INTS14: variants seen among roughly 807,000 people sequenced by gnomAD.
INTS14 encodes integrator complex subunit 14, also known as UPF0464 protein C15orf44.
A neutral mutation model predicts 56.9 loss-of-function variants in INTS14; 27 were observed. That is an observed-to-expected ratio of 0.47 (90% CI 0.35 to 0.65). INTS14 has a LOEUF of 0.65. Among genes scored for constraint, INTS14 ranks in the 30% least tolerant of loss-of-function variants. The pLI is 0.00. For synonymous variants in INTS14, 207 were observed against 236.2 expected, an observed-to-expected ratio of 0.88 and a Z score of 1.13; for missense variants, 517 against 632.2, an observed-to-expected ratio of 0.82 and a Z score of 1.95.
intron 3 of INTS14, among the ~76,000 whole-genome samples, chr15:65,602,218 G>A (rs536868389): frequency 4.1e-4 from 62 of 151,714 alleles, no homozygotes; most frequent in African/African-American, 1.4e-3. Flanking sequence ...AAGCCTGGGC[G>A]ACAGAGCAAG....
At chr15:65,605,046 C>T (rs1346946721) in intron 3 of INTS14, 83 bp downstream of exon 3, 2 of 963,848 alleles carry the variant, frequency 2.1e-6, no homozygotes, top group South Asian at 2.7e-5. Context: ...ACAATGCATG[C>T]TGTGTCAGAG....
At chr15:65,608,917 G>A (rs2073751305) in intron 1 of INTS14, among the ~76,000 whole-genome samples, 2 of 152,090 alleles carry the variant, frequency 1.3e-5, no homozygotes, top group African/African-American at 2.4e-5. Flanking sequence ...TTTTTGAGAC[G>A]GAGTCTTGCG....
chr15:65,610,068 G>A (rs536143085), intron 1 of INTS14, among the ~76,000 whole-genome samples: 2 of 143,994 alleles, frequency 1.4e-5, no homozygotes, highest in Non-Finnish European at 3.0e-5. Flanking sequence ...AGCAGTATAG[G>A]CCTGATTAAA....
At chr15:65,582,917 A>C (rs1031226047) in intron 10 of INTS14, among the ~76,000 whole-genome samples, 6 of 152,216 alleles carry the variant, frequency 3.9e-5, no homozygotes, top group African/African-American at 1.4e-4. Context: ...AATATACACA[A>C]ATGGCCAATA....
chr15:65,581,831 T>C (rs1293492745), intron 11 of INTS14, 123 bp downstream of exon 11: 2 of 960,994 alleles, frequency 2.1e-6, no homozygotes, highest in African/African-American at 1.7e-5. Context: ...TTACTGAGTT[T>C]ATTTGAAAAA....
At chr15:65,582,081 T>C (rs1411501708) in intron 10 of INTS14, 62 bp from the exon 11 acceptor site, 15 of 1,369,382 alleles carry the variant, frequency 1.1e-5, no homozygotes, top group Admixed American at 2.1e-5. Flanking sequence ...GGAAATAATA[T>C]AAAAGAATGG....
At chr15:65,610,703 C>A in intron 1 of INTS14, 1 of 1,535,700 alleles carries the variant, frequency 6.5e-7, no homozygotes. Context: ...TTGGCTTTCC[C>A]GTCAGCCTCC....
Position 65,579,053 on chromosome 15 carries a change from A to G in INTS14, c.*355T>C, listed in dbSNP as rs2072474303. 1 of 192,204 alleles carries G rather than the reference A, an allele frequency of 5.2e-6. No individual in the cohort carries two copies. Among genetic ancestry groups the G allele is most frequent in the Non-Finnish European group, 1.1e-5 (1 of 93,470 alleles). 11.9% of individuals were successfully genotyped at this position (192,204 alleles called of 1,614,324 possible). A position where few individuals can be genotyped will look rare whatever the true frequency, so the allele number is the denominator to read the frequency against. ...ACAGTTGAGATATAAACGAGGGAAG[A>G]GGTGAAGCTTTCAGGAAGCCAGAGA... On this transcript the variant is annotated 3_prime_UTR_variant, in exon 12 of 12. Transcript: ENST00000313182.
In INTS14 at chr15:65,579,366, T is replaced by C; in HGVS notation, c.*42A>G. The C allele has an allele frequency of 6.3e-7, 1 of 1,593,014 alleles. No individual in the cohort carries two copies. The highest frequency in any genetic ancestry group is 1.1e-5 in the South Asian group (1 of 89,254). On this transcript the variant is annotated 3_prime_UTR_variant, in exon 12 of 12. Coordinates refer to ENST00000313182, the MANE Select transcript of INTS14 (RefSeq NM_001394796.1). ...GGAAAGGTTTTTACCTAAAGCATTT[T>C]CAGTTGAAATGAAAAAAGAAGGAAA... is the stretch of plus-strand genomic sequence containing the variant.
chr15:65,591,243 C>T (rs1049576699), intron 9 of INTS14, among the ~76,000 whole-genome samples: 2 of 151,284 alleles, frequency 1.3e-5, no homozygotes, highest in East Asian at 1.9e-4. Context: ...AGGAAAGCTA[C>T]AGAAAAAAAG....
intron 6 of INTS14, among the ~76,000 whole-genome samples, chr15:65,597,645 ATTCTCCCTGCC>A (rs1180474907): frequency 6.6e-6 from 1 of 152,192 alleles, no homozygotes; most frequent in East Asian, 1.9e-4. Flanking sequence ...CATCTGGTTG[ATTCTCCCTGCC>A]TAGCCAATAA....
chr15:65,587,284 C>T (rs2072860242), intron 9 of INTS14, among the ~76,000 whole-genome samples: 1 of 151,646 alleles, frequency 6.6e-6, no homozygotes, highest in Admixed American at 6.6e-5. Flanking sequence ...CAGGACAACA[C>T]CTATGCAACA....
At chr15:65,587,297 T>A (rs1426001453) in intron 9 of INTS14, among the ~76,000 whole-genome samples, 3 of 151,416 alleles carry the variant, frequency 2.0e-5, no homozygotes, top group African/African-American at 7.3e-5. Flanking sequence ...ATGCAACAGG[T>A]CTGGGGAATA....
Position 65,588,990 on chromosome 15 carries a change from G to A in INTS14, c.1120+2608C>T, listed in dbSNP as rs187354749. Among the ~76,000 whole-genome samples the A allele has an allele frequency of 2.0e-5, 3 of 152,202 alleles. No individual in the cohort carries two copies. In the East Asian group the frequency reaches 5.8e-4, roughly 29 times the overall value. ...ACTGAAAAGCAGAACAGATCCAGGA[G>A]GAAAAAACAACATGAACACAGGGCA... On this transcript the variant is annotated intron_variant, in intron 9 of 11. Coordinates refer to ENST00000313182, the MANE Select transcript of INTS14 (RefSeq NM_001394796.1).
intron 5 of INTS14, 57 bp downstream of exon 5, chr15:65,598,815 G>A: frequency 1.5e-6 from 2 of 1,329,046 alleles, no homozygotes; most frequent in East Asian, 2.3e-5. Context: ...CTTCCTGGAT[G>A]TCAAATTATA....
chr15:65,581,938 C>T lies in INTS14; in HGVS notation c.1305+16G>A. The T allele has an allele frequency of 6.2e-7, 1 of 1,611,154 alleles. No individual in the cohort carries two copies. The highest frequency in any genetic ancestry group is 8.5e-7 in the Non-Finnish European group (1 of 1,179,248). On this transcript the variant is annotated intron_variant, in intron 11 of 11. Transcript: ENST00000313182. ...GAACCATATATTTTGGGCACATCCT[C>T]TTCTGTCTGTCTCACCTTATAGAAT...
chr15:65,579,804 G>T, intron 11 of INTS14, 145 bp from the exon 12 acceptor site: 1 of 1,280,066 alleles, frequency 7.8e-7, no homozygotes, highest in African/African-American at 1.5e-5. Flanking sequence ...AGGGATGCCA[G>T]TAACAAGAAT....
At chr15:65,579,784 A>C in intron 11 of INTS14, 125 bp from the exon 12 acceptor site, 1 of 1,364,272 alleles carries the variant, frequency 7.3e-7, no homozygotes, top group Non-Finnish European at 9.8e-7. Flanking sequence ...ATGAGAACAA[A>C]TGTTTATTTA....
intron 4 of INTS14, 127 bp from the exon 5 acceptor site, chr15:65,599,117 A>G (rs935643589): frequency 4.3e-5 from 27 of 632,288 alleles, no homozygotes; most frequent in Admixed American, 2.0e-4. Context: ...TTAATAGCCA[A>G]TGTGAGAAGA....
Sources: allele counts gnomAD v4.1 joint callset (sites outside exome capture counted in the v4.1 genomes callset), GRCh38; gene constraint gnomAD v4.1.1; transcripts MANE v1.5; gene names NCBI Gene and HGNC (gene_info 2026-07-23, HGNC 2026-07-21).